The following TRAP1 variants were observed in gnomAD, a reference collection of about 807,000 sequenced individuals.
TRAP1 encodes the protein heat shock protein 75 kDa, mitochondrial.
TRAP1 carries 102 observed loss-of-function variants against 89.1 expected under a neutral mutation model. The ratio of observed to expected loss-of-function variants is 1.15; its 90% CI spans 0.98 to 1.35. The LOEUF (loss-of-function observed/expected upper bound fraction) is 1.35, where lower values mean the gene tolerates loss of function less well. TRAP1 is among the 40% of genes most tolerant of loss of function. The pLI is 0.00. For missense variants in TRAP1, 1,256 were observed against 945.3 expected, an observed-to-expected ratio of 1.33 and a Z score of -4.31; for synonymous variants, 508 against 388.0, an observed-to-expected ratio of 1.31 and a Z score of -3.64.
In TRAP1 at chr16:3,658,196, A is replaced by G; in HGVS notation, c.2048T>C (p.Val683Ala). ...YENAMIAAGL[V>A]DDPRAMVGRL... ...GCCCACCATGGCCCTAGGGTCGTCA[A>G]CAAGTCCAGCAGCAATCATGGCGTT... is the stretch of plus-strand genomic sequence containing the variant. Residue 683 changes from valine to alanine, a missense_variant, in exon 18 of 18, where the codon GTT (valine) becomes GCT (alanine). Val to Ala is a moderately conservative substitution (Grantham distance 64, BLOSUM62 0). Coordinates refer to ENST00000246957, the MANE Select transcript of TRAP1 (RefSeq NM_016292.3). The G allele has an allele frequency of 1.2e-6, 2 of 1,614,090 alleles. No individual in the cohort carries two copies. Among genetic ancestry groups the G allele is most frequent in the African/African-American group, 1.3e-5 (1 of 75,034 alleles).
intron 1 of TRAP1, among the ~76,000 whole-genome samples, chr16:3,700,729 G>C (rs2051354278): frequency 6.6e-6 from 1 of 152,188 alleles, no homozygotes; most frequent in Non-Finnish European, 1.5e-5. Context: ...GCCTCCCAAA[G>C]TGGTGGGATT....
intron 3 of TRAP1, among the ~76,000 whole-genome samples, chr16:3,688,487 G>A (rs1055557972): frequency 6.6e-6 from 1 of 152,050 alleles, no homozygotes; most frequent in African/African-American, 2.4e-5. Context: ...AGGATTTGGG[G>A]GACTTTTTTT....
intron 16 of TRAP1, chr16:3,660,140 AAAGC>A (rs1356568894): frequency 6.6e-6 from 1 of 152,198 alleles, no homozygotes; most frequent in South Asian, 2.1e-4. Flanking sequence ...CTAAGGGAGA[AAAGC>A]AAGGCAAGGA....
chr16:3,690,571 T>C (rs139644916), intron 2 of TRAP1, among the ~76,000 whole-genome samples: 3,655 of 152,234 alleles, frequency 0.024, 58 homozygotes, highest in Non-Finnish European at 0.036. Flanking sequence ...AGATGTGCCA[T>C]GAATCACCAC....
intron 15 of TRAP1, 200 bp downstream of exon 15, chr16:3,662,682 G>A (rs1422107758): frequency 5.7e-6 from 4 of 695,798 alleles, no homozygotes; most frequent in African/African-American, 3.5e-5. Flanking sequence ...AGGGCTGGGA[G>A]AAAGACACGG....
At chr16:3,675,683 G>A (rs77001407) in intron 7 of TRAP1, among the ~76,000 whole-genome samples, 1 of 152,326 alleles carries the variant, frequency 6.6e-6, no homozygotes, top group Non-Finnish European at 1.5e-5. Context: ...GACTCCTGGG[G>A]GTACTCAGGG....
intron 1 of TRAP1, among the ~76,000 whole-genome samples, chr16:3,711,733 A>G (rs1596760286): frequency 6.6e-6 from 1 of 152,178 alleles, no homozygotes; most frequent in South Asian, 2.1e-4. Flanking sequence ...AGCAGAAATA[A>G]CCAGCCACAC....
At chr16:3,695,848 C>A (rs533176221) in intron 1 of TRAP1, among the ~76,000 whole-genome samples, 3 of 152,110 alleles carry the variant, frequency 2.0e-5, no homozygotes, top group African/African-American at 4.8e-5. Context: ...ATTGTGGCTA[C>A]TGAGTTGGGG....
At chr16:3,711,485 G>C (rs957208427) in intron 1 of TRAP1, among the ~76,000 whole-genome samples, 1 of 152,104 alleles carries the variant, frequency 6.6e-6, no homozygotes, top group South Asian at 2.1e-4. Context: ...TGTAGCCCCA[G>C]CTACTTGGGA....
chr16:3,688,386 C>G (rs909644094), intron 3 of TRAP1, among the ~76,000 whole-genome samples: 1 of 152,178 alleles, frequency 6.6e-6, no homozygotes, highest in Non-Finnish European at 1.5e-5. Flanking sequence ...CAGCCAAAGC[C>G]GCCAAGACCT....
In TRAP1 at chr16:3,658,878, A is replaced by G. The variant is rs1278080390; in HGVS notation, c.1941-13T>C. 6.2e-7 allele frequency: 1 copy of G among 1,613,886 alleles called. No individual in the cohort carries two copies. On this transcript the variant is annotated splice_polypyrimidine_tract_variant and intron_variant, in intron 16 of 17. Coordinates refer to ENST00000246957, the MANE Select transcript of TRAP1 (RefSeq NM_016292.3). ...GATGAGCGCGTGCCTGCAACACAGA[A>G]CCCACCAGAAAAAGCAGCTCAGTAC...
At chr16:3,663,726 G>A in intron 13 of TRAP1, 164 bp from the exon 14 acceptor site, 4 of 799,528 alleles carry the variant, frequency 5.0e-6, no homozygotes, top group Non-Finnish European at 7.7e-6. Context: ...TACGACACCT[G>A]GGTCTAAGGA....
intron 4 of TRAP1, among the ~76,000 whole-genome samples, chr16:3,682,076 T>C (rs1369888041): frequency 2.1e-4 from 32 of 152,122 alleles, no homozygotes; most frequent in Admixed American, 2.1e-3. Context: ...TACTTGATTT[T>C]TGACAAAGAT....
intron 11 of TRAP1, among the ~76,000 whole-genome samples, chr16:3,668,927 G>A (rs886233554): frequency 2.6e-5 from 4 of 152,316 alleles, no homozygotes; most frequent in East Asian, 1.9e-4. Flanking sequence ...GCCTCGGCCC[G>A]CAGGGACGCC....
chr16:3,697,460 T>G (rs540294703), intron 1 of TRAP1, among the ~76,000 whole-genome samples: 3 of 151,802 alleles, frequency 2.0e-5, no homozygotes, highest in East Asian at 2.0e-4. Context: ...GTCAGGAGAT[T>G]GAGACCATCC....
In TRAP1 at chr16:3,663,540, A is replaced by C; in HGVS notation, c.1592T>G (p.Phe531Cys). 6.2e-7 allele frequency: 1 copy of C among 1,614,066 alleles called. No homozygotes were observed. Among genetic ancestry groups the C allele is most frequent in the African/African-American group, 1.3e-5 (1 of 75,038 alleles). The change falls in exon 14 of 18, where the codon TTT becomes TGT. Residue 531 changes from phenylalanine (F) to cysteine (C), a missense_variant. Physicochemically the swap from Phe to Cys is radical, Grantham distance 205. Transcript: ENST00000246957. ...DTEVLFCFEQ[F>C]DELTLLHLRE... ...AAGGTGCAGCAGGGTGAGCTCATCAAACTGCTCAAAGCAGAAGAGAACCTG... is the reference window on the plus strand; with the variant it reads ...AAGGTGCAGCAGGGTGAGCTCATCACACTGCTCAAAGCAGAAGAGAACCTG...
intron 1 of TRAP1, among the ~76,000 whole-genome samples, chr16:3,696,543 A>G (rs1037736386): frequency 2.6e-5 from 4 of 152,080 alleles, no homozygotes; most frequent in African/African-American, 9.7e-5. Flanking sequence ...CACCACAGCA[A>G]TAACTGGCTG....
intron 4 of TRAP1, among the ~76,000 whole-genome samples, chr16:3,681,915 A>G (rs2051077726): frequency 1.3e-5 from 2 of 152,244 alleles, no homozygotes; most frequent in African/African-American, 4.8e-5. Flanking sequence ...AAATATTTTG[A>G]AGAACGAAGT....
intron 1 of TRAP1, among the ~76,000 whole-genome samples, chr16:3,701,535 A>G (rs1231876381): frequency 7.2e-6 from 1 of 139,324 alleles, no homozygotes; most frequent in African/African-American, 2.8e-5. Context: ...TGGGTGACAG[A>G]GTAAGACCCT....
Sources: gnomAD v4.1 joint callset for allele counts (sites outside exome capture counted in the v4.1 genomes callset) on GRCh38, gnomAD v4.1.1 for gene constraint, MANE v1.5 for transcripts, NCBI Gene and HGNC (gene_info 2026-07-23, HGNC 2026-07-21) for gene names.